The following NDUFA13 variants were observed in gnomAD, a reference collection of about 807,000 sequenced individuals.
NDUFA13 encodes the protein NADH dehydrogenase [ubiquinone] 1 alpha subcomplex subunit 13.
NDUFA13 carries 16 observed loss-of-function variants against 17.0 expected under a neutral mutation model. The observed-to-expected ratio is 0.94, with a 90% CI of 0.64 to 1.43. NDUFA13 has a LOEUF of 1.43. Ranked by LOEUF, NDUFA13 falls within the 40% of genes most tolerant of loss-of-function variation. The pLI is 0.00. For synonymous variants in NDUFA13, 87 were observed against 78.4 expected (o/e 1.11, Z -0.58); for missense variants, 228 against 206.7 (o/e 1.10, Z -0.63).
intron 4 of NDUFA13, 57 bp downstream of exon 4, chr19:19,527,827 T>G (rs1600351853): frequency 1.3e-6 from 2 of 1,522,974 alleles, no homozygotes; most frequent in Non-Finnish European, 1.8e-6. Flanking sequence ...GGGCCTGGGG[T>G]TGGGGAGCTC....
At chr19:19,527,469 G>A (rs558346402) in intron 3 of NDUFA13, 117 bp downstream of exon 3, 47 of 1,278,982 alleles carry the variant, frequency 3.7e-5, no homozygotes, top group East Asian at 2.4e-4. Context: ...GCCCTGTGCC[G>A]TCAGCTGCAT....
intron 1 of NDUFA13, among the ~76,000 whole-genome samples, chr19:19,516,616 C>G (rs1004673248): frequency 6.6e-6 from 1 of 152,220 alleles, no homozygotes; most frequent in Non-Finnish European, 1.5e-5. Flanking sequence ...CTCAGCCACC[C>G]TTGGATTTCT....
At chr19:19,523,816 GC>G (rs1366488178) in intron 1 of NDUFA13, among the ~76,000 whole-genome samples, 1 of 152,206 alleles carries the variant, frequency 6.6e-6, no homozygotes, top group African/African-American at 2.4e-5. Flanking sequence ...TGTAATTCCA[GC>G]TATTCAGGAA....
intron 1 of NDUFA13, among the ~76,000 whole-genome samples, chr19:19,524,438 T>A (rs889879887): frequency 2.0e-5 from 3 of 152,136 alleles, no homozygotes; most frequent in Non-Finnish European, 2.9e-5. Context: ...GGTGTGAGGG[T>A]GCAGGTTCTC....
intron 1 of NDUFA13, among the ~76,000 whole-genome samples, chr19:19,523,962 G>C (rs185529118): frequency 2.7e-4 from 41 of 152,268 alleles, no homozygotes; most frequent in Non-Finnish European, 4.9e-4. Context: ...TTTTGTAAAT[G>C]TTTCACTGTG....
chr19:19,521,510 C>T (rs2061077508), intron 1 of NDUFA13, among the ~76,000 whole-genome samples: 2 of 152,234 alleles, frequency 1.3e-5, no homozygotes, highest in Admixed American at 1.3e-4. Flanking sequence ...GAACCACCAC[C>T]TTTGCATGTG....
At chr19:19,527,179 CG>C in intron 2 of NDUFA13, 101 bp from the exon 3 acceptor site, 2 of 1,260,160 alleles carry the variant, frequency 1.6e-6, no homozygotes, top group Admixed American at 1.8e-5. Flanking sequence ...CGCCCCCCTC[CG>C]CCTCTTCCCC....
chr19:19,525,777 C>T (rs976697364), intron 1 of NDUFA13, among the ~76,000 whole-genome samples: 4 of 152,154 alleles, frequency 2.6e-5, no homozygotes, highest in Admixed American at 6.5e-5. Context: ...GGTGGCTGGG[C>T]AGCCCCCACA....
chr19:19,527,152 C>G, intron 2 of NDUFA13, 129 bp from the exon 3 acceptor site: 6 of 868,380 alleles, frequency 6.9e-6, no homozygotes, highest in Non-Finnish European at 7.2e-6. Flanking sequence ...CCTCGCCCTG[C>G]CCCCTGCCTG....
intron 1 of NDUFA13, among the ~76,000 whole-genome samples, chr19:19,525,370 AG>A (rs2061095441): frequency 6.6e-6 from 1 of 152,246 alleles, no homozygotes. Flanking sequence ...AGGGCCCGGC[AG>A]GCACAGAGTA....
chr19:19,516,864 C>G (rs1271927911), intron 1 of NDUFA13, among the ~76,000 whole-genome samples: 1 of 152,224 alleles, frequency 6.6e-6, no homozygotes, highest in African/African-American at 2.4e-5. Context: ...CTCGGCTCAC[C>G]GCAACCTCCG....
chr19:19,520,634 AAAAT>A (rs1555726378), intron 1 of NDUFA13, among the ~76,000 whole-genome samples: 5 of 152,202 alleles, frequency 3.3e-5, no homozygotes, highest in Non-Finnish European at 7.3e-5. Context: ...CATCTCAAAA[AAAAT>A]AATAATAATA....
chr19:19,527,861 A>G (rs2061111474), intron 4 of NDUFA13, 91 bp downstream of exon 4: 1 of 1,485,900 alleles, frequency 6.7e-7, no homozygotes, highest in African/African-American at 1.4e-5. Flanking sequence ...TAGAAACCCC[A>G]GGACCAAGGG....
At chr19:19,522,161 T>C (rs148001625) in intron 1 of NDUFA13, among the ~76,000 whole-genome samples, 23,586 of 151,378 alleles carry the variant, frequency 0.16, 1,930 homozygotes, top group Middle Eastern at 0.27. Flanking sequence ...AAAAATTAGC[T>C]GGGCGCGGTG....
At chr19:19,526,304 A>G in intron 2 of NDUFA13, 44 bp downstream of exon 2, 1 of 1,603,944 alleles carries the variant, frequency 6.2e-7, no homozygotes, top group South Asian at 1.1e-5. Flanking sequence ...CCCCCCGGCG[A>G]GTTGTCGGGG....
At chr19:19,521,455 C>G in intron 1 of NDUFA13, among the ~76,000 whole-genome samples, 1 of 152,300 alleles carries the variant, frequency 6.6e-6, no homozygotes, top group Non-Finnish European at 1.5e-5. Flanking sequence ...TGGGCTCAAG[C>G]TGTCCTCCCG....
intron 1 of NDUFA13, among the ~76,000 whole-genome samples, chr19:19,516,742 C>T (rs1162513464): frequency 1.3e-5 from 2 of 152,242 alleles, no homozygotes; most frequent in East Asian, 3.8e-4. Context: ...TCCCTGCTGG[C>T]AGCCCCCGCC....
intron 1 of NDUFA13, 97 bp from the exon 2 acceptor site, chr19:19,526,085 G>T: frequency 6.4e-7 from 1 of 1,556,058 alleles, no homozygotes; most frequent in Non-Finnish European, 8.7e-7. Context: ...CTGAGAAGCC[G>T]CCAGTGTCCC....
intron 2 of NDUFA13, 85 bp from the exon 3 acceptor site, chr19:19,527,196 G>A: frequency 9.0e-7 from 1 of 1,114,184 alleles, no homozygotes; most frequent in Non-Finnish European, 1.3e-6. Context: ...TCCCCCAGCA[G>A]CACCCTGGCC....
Sources: allele counts gnomAD v4.1 joint callset (sites outside exome capture counted in the v4.1 genomes callset), GRCh38; gene constraint gnomAD v4.1.1; transcripts MANE v1.5; gene names NCBI Gene and HGNC (gene_info 2026-07-23, HGNC 2026-07-21).